PPP1R12B: variants seen among roughly 807,000 people sequenced by gnomAD.
PPP1R12B encodes myosin phosphatase target subunit 2.
In PPP1R12B, 76 loss-of-function variants were observed where a neutral mutation model predicts 126.1. That is an observed-to-expected ratio of 0.60 (90% CI 0.50 to 0.73). The LOEUF (loss-of-function observed/expected upper bound fraction) is 0.73, where lower values mean the gene tolerates loss of function less well. Ranked by LOEUF, PPP1R12B falls within the 30% of genes least tolerant of loss-of-function variation. The probability of loss-of-function intolerance (pLI) is 0.00; values close to 1 mark genes in which losing one functional copy is unlikely to be tolerated. For missense variants in PPP1R12B, 1,052 were observed against 1,205.1 expected (o/e 0.87, Z 1.88); for synonymous variants, 356 against 434.7 (o/e 0.82, Z 2.25).
intron 1 of PPP1R12B, among the ~76,000 whole-genome samples, chr1:202,367,755 C>T (rs1659493336): frequency 6.6e-6 from 1 of 152,076 alleles, no homozygotes; most frequent in Non-Finnish European, 1.5e-5. Context: ...ATGCATAGAA[C>T]TTAAATCTAC....
intron 12 of PPP1R12B, chr1:202,445,099 G>A (rs1156770446): frequency 1.3e-5 from 16 of 1,247,138 alleles, no homozygotes; most frequent in Non-Finnish European, 1.5e-5. Context: ...TCAGCCAATC[G>A]CAATTCATCT....
intron 1 of PPP1R12B, among the ~76,000 whole-genome samples, chr1:202,380,355 A>G (rs1571708492): frequency 6.6e-6 from 1 of 152,160 alleles, no homozygotes; most frequent in East Asian, 1.9e-4. Context: ...CAGGAGGTGA[A>G]GGAGTTTCAT....
intron 1 of PPP1R12B, among the ~76,000 whole-genome samples, chr1:202,394,916 A>G (rs1664722095): frequency 6.6e-6 from 1 of 152,052 alleles, no homozygotes; most frequent in Non-Finnish European, 1.5e-5. Context: ...TCAGGAATTC[A>G]AGACCAGCCT....
chr1:202,456,920 C>T (rs1673715453), intron 13 of PPP1R12B, among the ~76,000 whole-genome samples: 1 of 152,110 alleles, frequency 6.6e-6, no homozygotes, highest in South Asian at 2.1e-4. Context: ...AACATAAACA[C>T]TGAAGGTCAC....
chr1:202,446,213 ACTCTCTCTCT>A (rs3077313), intron 12 of PPP1R12B, among the ~76,000 whole-genome samples: 5 of 64,520 alleles, frequency 7.7e-5, no homozygotes, highest in African/African-American at 2.7e-4. Flanking sequence ...ATATTATATT[ACTCTCTCTCT>A]CTCTCTCTCT....
chr1:202,354,762 C>T lies in PPP1R12B; in HGVS notation c.291+5620C>T, dbSNP rs537338942. ...TCCCGGGCTCAAGCAATTCTCCTGC[C>T]GTAGCCTCCTGAGTAGCTGGGATTA... is the stretch of plus-strand genomic sequence containing the variant. On this transcript the variant is annotated intron_variant, in intron 1 of 23. Transcript: ENST00000608999. Among the ~76,000 whole-genome samples, 3 of 151,836 alleles carry T rather than the reference C, an allele frequency of 2.0e-5. No individual in the cohort carries two copies. In the East Asian group the frequency reaches 5.8e-4, roughly 29 times the overall value.
At chr1:202,397,480 C>T (rs763816569) in intron 1 of PPP1R12B, among the ~76,000 whole-genome samples, 5 of 152,186 alleles carry the variant, frequency 3.3e-5, no homozygotes, top group Non-Finnish European at 7.3e-5. Flanking sequence ...TGTCCACATG[C>T]CCAGCTTCAA....
Position 202,428,970 on chromosome 1 carries a change from T to C in PPP1R12B, c.921+41T>C, listed in dbSNP as rs752976481. 1.1e-5 allele frequency: 17 copies of C among 1,523,456 alleles called. No homozygotes were observed. The East Asian group carries it at 3.0e-4, about 27-fold the overall frequency. 94.4% of individuals were successfully genotyped at this position (1,523,456 alleles called of 1,614,324 possible). On this transcript the variant is annotated intron_variant, in intron 6 of 23. Transcript: ENST00000608999. ...GTGCTTTCAAAAGTTTTCTAATAGT[T>C]TGCAGTTCACACCAAGTATCTCAAT...
intron 18 of PPP1R12B, among the ~76,000 whole-genome samples, chr1:202,534,563 C>CTTTTTTT (rs34606007): frequency 1.5e-5 from 2 of 132,932 alleles, no homozygotes; most frequent in Non-Finnish European, 1.6e-5. Flanking sequence ...CTAGCTTTCC[C>CTTTTTTT]TTTTTTTTTT....
chr1:202,422,666 G>A lies in PPP1R12B; in HGVS notation c.469G>A (p.Gly157Ser), dbSNP rs1197011112. ...CAGTGTAGGTATTGTCAATAGTGAA[G>A]GTGAAGTTCCCTCTGACCTTGCAGA... ...GASVGIVNSE[G>S]EVPSDLAEEP... is the part of the protein sequence containing the mutation. Residue 157 changes from glycine to serine, a missense_variant, in exon 3 of 24, where the codon GGT becomes AGT. Transcript: ENST00000608999. 1 of 1,613,828 alleles carries A rather than the reference G, an allele frequency of 6.2e-7. No homozygotes were observed. The highest frequency in any genetic ancestry group is 1.1e-5 in the South Asian group (1 of 91,070).
At chr1:202,481,412 A>G (rs1677343320) in intron 13 of PPP1R12B, among the ~76,000 whole-genome samples, 1 of 152,240 alleles carries the variant, frequency 6.6e-6, no homozygotes, top group Non-Finnish European at 1.5e-5. Flanking sequence ...AACCAAAACA[A>G]TATATTGACT....
intron 8 of PPP1R12B, among the ~76,000 whole-genome samples, chr1:202,434,286 G>C (rs538843184): frequency 1.0e-3 from 153 of 152,316 alleles, no homozygotes; most frequent in African/African-American, 3.6e-3. Context: ...GGACTCCCCA[G>C]AGTAGTAGTA....
At chr1:202,452,834 T>C (rs1167263091) in intron 13 of PPP1R12B, among the ~76,000 whole-genome samples, 4 of 147,052 alleles carry the variant, frequency 2.7e-5, no homozygotes, top group Admixed American at 6.8e-5. Flanking sequence ...CTCTCTCTCT[T>C]TTTTTTTTTT....
At chr1:202,433,540 G>A (rs1342183049) in intron 8 of PPP1R12B, among the ~76,000 whole-genome samples, 1 of 152,162 alleles carries the variant, frequency 6.6e-6, no homozygotes. Flanking sequence ...AGCTCTAGCT[G>A]ACCTTTCCAA....
intron 18 of PPP1R12B, among the ~76,000 whole-genome samples, chr1:202,550,101 A>G (rs1686156377): frequency 1.3e-5 from 2 of 152,206 alleles, no homozygotes; most frequent in African/African-American, 4.8e-5. Flanking sequence ...TTTTGTGGGA[A>G]TCAAAAGAGA....
intron 1 of PPP1R12B, among the ~76,000 whole-genome samples, chr1:202,380,736 T>A (rs1196587769): frequency 1.3e-5 from 2 of 152,242 alleles, no homozygotes; most frequent in African/African-American, 4.8e-5. Flanking sequence ...CTTGAGTGTA[T>A]CCCTTTGAAG....
At chr1:202,445,187 A>G in intron 12 of PPP1R12B, 6 of 1,246,804 alleles carry the variant, frequency 4.8e-6, no homozygotes, top group Non-Finnish European at 6.1e-6. Context: ...CTTGCCCTGC[A>G]CCAATCAGTG....
At chr1:202,379,775 G>C (rs1454023198) in intron 1 of PPP1R12B, among the ~76,000 whole-genome samples, 4 of 152,018 alleles carry the variant, frequency 2.6e-5, no homozygotes, top group Non-Finnish European at 5.9e-5. Flanking sequence ...TCCATCATTG[G>C]CTTTCGAGCT....
chr1:202,470,651 T>C (rs1675725879), intron 13 of PPP1R12B, among the ~76,000 whole-genome samples: 1 of 152,142 alleles, frequency 6.6e-6, no homozygotes, highest in African/African-American at 2.4e-5. Context: ...ACTAGCACTT[T>C]GGGAGGCAGA....
Sources: allele counts gnomAD v4.1 joint callset (sites outside exome capture counted in the v4.1 genomes callset), GRCh38; gene constraint gnomAD v4.1.1; transcripts MANE v1.5; gene names NCBI Gene and HGNC (gene_info 2026-07-23, HGNC 2026-07-21).